DACH2: variants seen among roughly 807,000 people sequenced by gnomAD.
DACH2 encodes dachshund homolog 2.
In DACH2, 17 loss-of-function variants were observed where a neutral mutation model predicts 35.8. The observed-to-expected ratio is 0.48, with a 90% CI of 0.33 to 0.71. The LOEUF is 0.71. DACH2 is among the 30% of genes least tolerant of loss of function. The pLI, the probability that DACH2 is intolerant of heterozygous loss-of-function variation, is 0.02. For synonymous variants in DACH2, 195 were observed against 177.3 expected (o/e 1.10, Z -0.79); for missense variants, 469 against 472.7 (o/e 0.99, Z 0.07).
At chrX:86,604,807 T>C (rs2039836845) in intron 3 of DACH2, among the ~76,000 whole-genome samples, 1 of 111,140 alleles carries the variant, frequency 9.0e-6, no homozygotes, top group Non-Finnish European at 1.9e-5. Flanking sequence ...AAAGTGAAAG[T>C]GGTGACTCAG....
chrX:86,217,485 C>T (rs1223649868), intron 1 of DACH2, among the ~76,000 whole-genome samples: 1 of 111,528 alleles, frequency 9.0e-6, no homozygotes. Flanking sequence ...TCACTTATTA[C>T]ATCTAAATGT....
chrX:86,666,967 C>T (rs376404179), intron 4 of DACH2, among the ~76,000 whole-genome samples: 1 of 107,761 alleles, frequency 9.3e-6, no homozygotes, highest in Non-Finnish European at 1.9e-5. Flanking sequence ...AGCCCTGGGC[C>T]GGGCATGGTG....
chrX:86,475,617 T>C (rs1054919080), intron 2 of DACH2, among the ~76,000 whole-genome samples: 5 of 112,058 alleles, frequency 4.5e-5, no homozygotes, highest in African/African-American at 1.3e-4. Flanking sequence ...TATAATGTCA[T>C]ATCATCTACA....
rs757757218 is a variant in DACH2 at position 86,187,681 on chromosome X, C to T, written c.488+38573C>T. Among the ~76,000 whole-genome samples the T allele has an allele frequency of 3.6e-5, 4 of 111,380 alleles. No individual in the cohort carries two copies. In the South Asian group the frequency reaches 1.1e-3, roughly 32 times the overall value. On this transcript the variant is annotated intron_variant, in intron 1 of 11. Coordinates refer to ENST00000373125, the MANE Select transcript of DACH2 (RefSeq NM_053281.3). ...CCTCAAGTGATCTGCCCACCTTAGC[C>T]TCCCAAAGCGCTGAGATTACAGGCC...
At chrX:86,327,525 AG>A (rs1384527557) in intron 1 of DACH2, among the ~76,000 whole-genome samples, 1 of 112,053 alleles carries the variant, frequency 8.9e-6, no homozygotes, top group African/African-American at 3.2e-5. Context: ...AAAGGTGTCA[AG>A]GGTGGATTAT....
Position 86,202,714 on chromosome X carries a change from T to C in DACH2, c.488+53606T>C, listed in dbSNP as rs145543799. ...GGATTATCTAGAAGGCTGATGTAGT[T>C]CTCTGTAATGCTCAAAGAGATTTTG... On this transcript the variant is annotated intron_variant, in intron 1 of 11. Coordinates refer to ENST00000373125, the MANE Select transcript of DACH2 (RefSeq NM_053281.3). Among the ~76,000 whole-genome samples the C allele has an allele frequency of 2.4e-4, 27 of 110,993 alleles. No homozygotes were observed. The East Asian group carries it at 7.4e-3, about 31-fold the overall frequency.
At chrX:86,695,269 A>G in intron 5 of DACH2, 90 bp downstream of exon 5, 1 of 766,317 alleles carries the variant, frequency 1.3e-6, no homozygotes, top group Non-Finnish European at 1.7e-6. Context: ...GGCTTAGTCT[A>G]TTTTTCTTCA....
At chrX:86,310,156 G>T (rs1285217369) in intron 1 of DACH2, among the ~76,000 whole-genome samples, 2 of 111,958 alleles carry the variant, frequency 1.8e-5, no homozygotes, top group Admixed American at 1.9e-4. Context: ...TTTGACTATG[G>T]GTCATCAAGT....
At chrX:86,341,800 G>A (rs2035417922) in intron 1 of DACH2, among the ~76,000 whole-genome samples, 1 of 111,982 alleles carries the variant, frequency 8.9e-6, no homozygotes, top group Non-Finnish European at 1.9e-5. Flanking sequence ...GGATGACTGA[G>A]GTATTCAAGA....
rs181325618 is a variant in DACH2, at chrX:86,407,243, C to G, written c.527+30381C>G. ...CTTGGATTTATATCCCCACAACTGCCAGTTTCTCTGTGACCTTTTGCCAGT... is the reference window on the plus strand; with the variant it reads ...CTTGGATTTATATCCCCACAACTGCGAGTTTCTCTGTGACCTTTTGCCAGT... On this transcript the variant is annotated intron_variant, in intron 2 of 11. Coordinates refer to ENST00000373125, the MANE Select transcript of DACH2 (RefSeq NM_053281.3). Among the ~76,000 whole-genome samples the G allele has an allele frequency of 9.8e-5, 11 of 111,912 alleles. No homozygotes were observed. The East Asian group carries it at 3.1e-3, about 31-fold the overall frequency.
At chrX:86,449,700 A>T (rs763676989) in intron 2 of DACH2, among the ~76,000 whole-genome samples, 2 of 111,392 alleles carry the variant, frequency 1.8e-5, no homozygotes, top group Non-Finnish European at 3.8e-5. Context: ...CTTATAAAAA[A>T]CATCTTACAG....
intron 1 of DACH2, among the ~76,000 whole-genome samples, chrX:86,279,086 A>G (rs2033973735): frequency 8.9e-6 from 1 of 111,958 alleles, no homozygotes; most frequent in African/African-American, 3.2e-5. Context: ...GGGACAGAGC[A>G]CCTGGGGGAA....
At chrX:86,365,350 G>C (rs1267142245) in intron 1 of DACH2, among the ~76,000 whole-genome samples, 1 of 104,975 alleles carries the variant, frequency 9.5e-6, no homozygotes, top group Admixed American at 1.0e-4. Flanking sequence ...AAAAAAAACA[G>C]ATAGTGTGGT....
At chrX:86,814,948 G>C in intron 10 of DACH2, 114 bp downstream of exon 10, 300 of 741,579 alleles carry the variant, frequency 4.0e-4, no homozygotes, top group Non-Finnish European at 5.3e-4. Context: ...GGGAGAGAGG[G>C]AAACACAGAC....
intron 3 of DACH2, among the ~76,000 whole-genome samples, chrX:86,562,484 A>G (rs1322071256): frequency 9.0e-6 from 1 of 111,331 alleles, no homozygotes; most frequent in African/African-American, 3.3e-5. Flanking sequence ...ACCAGACAGT[A>G]TATCTAATCA....
intron 1 of DACH2, among the ~76,000 whole-genome samples, chrX:86,154,879 A>G (rs189622845): frequency 3.5e-4 from 39 of 111,834 alleles, no homozygotes; most frequent in African/African-American, 1.2e-3. Context: ...TTTCTGCTAG[A>G]ACAACTAAAT....
intron 4 of DACH2, among the ~76,000 whole-genome samples, chrX:86,667,305 A>AGAAGGAAGGAAGGAAGGAAGGAAGGAAG (rs746792252): frequency 2.9e-4 from 10 of 33,929 alleles, no homozygotes; most frequent in South Asian, 3.0e-3. Context: ...AAGGAAGGAA[A>AGAAGGAAGGAAGGAAGGAAGGAAGGAAG]GAAGGAAGGA....
At chrX:86,171,214 C>T (rs1035001996) in intron 1 of DACH2, among the ~76,000 whole-genome samples, 1 of 96,896 alleles carries the variant, frequency 1.0e-5, no homozygotes, top group Non-Finnish European at 2.2e-5. Flanking sequence ...AAGACAAAGT[C>T]CTTTCCACTC....
At chrX:86,463,411 A>G (rs748121793) in intron 2 of DACH2, among the ~76,000 whole-genome samples, 3 of 110,935 alleles carry the variant, frequency 2.7e-5, no homozygotes, top group African/African-American at 9.8e-5. Flanking sequence ...CCTGACAAAA[A>G]CAAGCAATGG....
Sources: allele counts gnomAD v4.1 joint callset (sites outside exome capture counted in the v4.1 genomes callset), GRCh38; gene constraint gnomAD v4.1.1; transcripts MANE v1.5; gene names NCBI Gene and HGNC (gene_info 2026-07-23, HGNC 2026-07-21).